Variants in OGDH observed in about 807,000 individuals in gnomAD.
The protein encoded by OGDH is oxoglutarate dehydrogenase.
Under a neutral mutation model 116.6 loss-of-function variants are expected in OGDH, and 38 were observed. The ratio of observed to expected loss-of-function variants is 0.33; its 90% CI spans 0.25 to 0.43. The LOEUF (loss-of-function observed/expected upper bound fraction) is 0.43. OGDH is among the 20% of genes least tolerant of loss of function. OGDH has a pLI of 1.00. For synonymous variants in OGDH, 488 were observed against 533.3 expected, an observed-to-expected ratio of 0.92 and a Z score of 1.17; for missense variants, 825 against 1,357.2, an observed-to-expected ratio of 0.61 and a Z score of 6.16.
At chr7:44,693,022 A>G (rs79780712) in intron 10 of OGDH, among the ~76,000 whole-genome samples, 1 of 140,600 alleles carries the variant, frequency 7.1e-6, no homozygotes, top group Non-Finnish European at 1.5e-5. Flanking sequence ...AAAAAAAAAA[A>G]TTCTTGCTGG....
chr7:44,670,935 C>T (rs57592693), intron 5 of OGDH, among the ~76,000 whole-genome samples: 7,211 of 146,564 alleles, frequency 0.049, 558 homozygotes, highest in African/African-American at 0.17. Context: ...GGCATGAACC[C>T]GGGAGGCAGA....
intron 5 of OGDH, among the ~76,000 whole-genome samples, chr7:44,670,545 G>C (rs1001748588): frequency 1.3e-5 from 2 of 152,232 alleles, no homozygotes; most frequent in African/African-American, 2.4e-5. Flanking sequence ...TTCTTCTGCT[G>C]GTCAGTACCT....
chr7:44,652,137 T>C (rs1262703243), intron 4 of OGDH, among the ~76,000 whole-genome samples: 1 of 151,994 alleles, frequency 6.6e-6, no homozygotes, highest in African/African-American at 2.4e-5. Context: ...AGATGGAGTT[T>C]CGCTCTTGTT....
intron 3 of OGDH, among the ~76,000 whole-genome samples, chr7:44,646,718 T>G (rs1319659145): frequency 6.6e-6 from 1 of 152,188 alleles, no homozygotes; most frequent in East Asian, 1.9e-4. Context: ...CTCCTTTTGG[T>G]TTTTAAATAG....
At chr7:44,675,349 C>G in intron 8 of OGDH, 81 bp downstream of exon 8, 1 of 1,131,470 alleles carries the variant, frequency 8.8e-7, no homozygotes, top group Non-Finnish European at 1.3e-6. Context: ...CTTAGAATGA[C>G]TTACGGGGGG....
chr7:44,610,047 A>C (rs1406028690), intron 1 of OGDH, among the ~76,000 whole-genome samples: 3 of 151,610 alleles, frequency 2.0e-5, no homozygotes, highest in Non-Finnish European at 4.4e-5. Context: ...AACTCCTGGG[A>C]TCAAGTGATC....
chr7:44,674,756 G>T, intron 7 of OGDH, 199 bp downstream of exon 7: 1 of 613,892 alleles, frequency 1.6e-6, no homozygotes, highest in Non-Finnish European at 2.9e-6. Flanking sequence ...CAAAGTCATG[G>T]TCACCTCCAA....
chr7:44,631,130 A>T (rs1859509), intron 2 of OGDH, among the ~76,000 whole-genome samples: 47,294 of 152,046 alleles, frequency 0.31, 8,681 homozygotes, highest in Non-Finnish European at 0.41. Flanking sequence ...AAAAAAGTGT[A>T]CATGTTCAGT....
chr7:44,628,346 C>T (rs1488985012), intron 2 of OGDH, among the ~76,000 whole-genome samples: 1 of 151,786 alleles, frequency 6.6e-6, no homozygotes, highest in African/African-American at 2.4e-5. Flanking sequence ...TGCCCTTTTA[C>T]ATTTTGTTTT....
intron 3 of OGDH, among the ~76,000 whole-genome samples, chr7:44,645,747 A>G (rs1034644277): frequency 2.0e-5 from 3 of 152,214 alleles, no homozygotes; most frequent in African/African-American, 4.8e-5. Flanking sequence ...CCTGCCTTAT[A>G]AAAGGGATCC....
chr7:44,691,699 C>T (rs372375239), intron 10 of OGDH, among the ~76,000 whole-genome samples: 50 of 151,942 alleles, frequency 3.3e-4, no homozygotes, highest in African/African-American at 1.0e-3. Flanking sequence ...AGGGAATGGC[C>T]GGGCACAGTG....
chr7:44,676,859 C>G (rs1203534445), intron 9 of OGDH, among the ~76,000 whole-genome samples: 1 of 151,820 alleles, frequency 6.6e-6, no homozygotes, highest in East Asian at 1.9e-4. Flanking sequence ...TGTAGGTGAG[C>G]CTGAAGGAGA....
At chr7:44,675,147 T>C (rs781423603) in intron 7 of OGDH, 31 bp from the exon 8 acceptor site, 5 of 1,584,846 alleles carry the variant, frequency 3.2e-6, no homozygotes, top group Admixed American at 1.7e-5. Context: ...GACCTCAGGC[T>C]CTGCTCACCC....
chr7:44,662,015 A>G (rs567505423), intron 4 of OGDH, among the ~76,000 whole-genome samples: 61 of 152,356 alleles, frequency 4.0e-4, no homozygotes, highest in African/African-American at 1.4e-3. Context: ...CATATTAAGT[A>G]TGGAAACCTT....
intron 7 of OGDH, among the ~76,000 whole-genome samples, chr7:44,674,921 G>T (rs1283837594): frequency 6.6e-6 from 1 of 152,186 alleles, no homozygotes; most frequent in Admixed American, 6.5e-5. Flanking sequence ...GGTGTGGGGA[G>T]GGAGAAGGGT....
At chr7:44,616,944 CCTTT>C (rs1425454028) in intron 1 of OGDH, among the ~76,000 whole-genome samples, 855 of 129,728 alleles carry the variant, frequency 6.6e-3, no homozygotes, top group African/African-American at 0.023. Context: ...GAGCGAGACT[CCTTT>C]CGGAGCTCTG....
At chr7:44,640,898 T>G (rs1162612895) in intron 2 of OGDH, among the ~76,000 whole-genome samples, 2 of 150,580 alleles carry the variant, frequency 1.3e-5, no homozygotes, top group Non-Finnish European at 3.0e-5. Context: ...TTTGTGGGTT[T>G]TTTTTTTTTT....
intron 4 of OGDH, among the ~76,000 whole-genome samples, chr7:44,651,260 G>T (rs1397566770): frequency 6.6e-6 from 1 of 152,226 alleles, no homozygotes; most frequent in Non-Finnish European, 1.5e-5. Flanking sequence ...AGTTTCCACT[G>T]AGTTGACCTT....
At chr7:44,654,417 A>G (rs1273376413) in intron 4 of OGDH, among the ~76,000 whole-genome samples, 7 of 152,222 alleles carry the variant, frequency 4.6e-5, no homozygotes, top group Non-Finnish European at 7.3e-5. Flanking sequence ...AGTCATGACA[A>G]AGTTTCCACA....
Sources: allele counts gnomAD v4.1 joint callset (sites outside exome capture counted in the v4.1 genomes callset), GRCh38; gene constraint gnomAD v4.1.1; transcripts MANE v1.5; gene names NCBI Gene and HGNC (gene_info 2026-07-23, HGNC 2026-07-21).